Variants in CSMD1 observed in about 807,000 individuals in gnomAD.
The protein encoded by CSMD1 is CUB and Sushi multiple domains 1, also known as CUB and sushi domain-containing protein 1.
A neutral mutation model predicts 417.5 loss-of-function variants in CSMD1; 213 were observed. The ratio of observed to expected loss-of-function variants is 0.51; its 90% CI spans 0.46 to 0.57. CSMD1 has a LOEUF of 0.57. CSMD1 is among the 20% of genes least tolerant of loss of function. The pLI is 0.00. For synonymous variants in CSMD1, 2,862 were observed against 1,736.8 expected (o/e 1.65, Z -16.11); for missense variants, 6,923 against 4,529.7 (o/e 1.53, Z -15.17).
intron 3 of CSMD1, among the ~76,000 whole-genome samples, chr8:4,243,285 C>A (rs1176310244): frequency 6.6e-6 from 1 of 152,118 alleles, no homozygotes; most frequent in Non-Finnish European, 1.5e-5. Flanking sequence ...TGAACTAGGT[C>A]TGAATTTCAT....
intron 5 of CSMD1, among the ~76,000 whole-genome samples, chr8:3,883,784 T>A (rs917454711): frequency 6.6e-6 from 1 of 152,114 alleles, no homozygotes; most frequent in African/African-American, 2.4e-5. Context: ...AAAGCAGCTT[T>A]TAAATCTACT....
chr8:3,284,639 G>A (rs960655503), intron 25 of CSMD1: 2 of 364,212 alleles, frequency 5.5e-6, no homozygotes, highest in Non-Finnish European at 1.0e-5. Context: ...GAGACTTCCA[G>A]ATCTCTGTAT....
chr8:4,981,520 C>A (rs551857329), intron 1 of CSMD1, among the ~76,000 whole-genome samples: 14 of 152,192 alleles, frequency 9.2e-5, no homozygotes, highest in Admixed American at 2.0e-4. Context: ...ATGTTTAATG[C>A]ACTGCTTTCA....
At chr8:3,356,346 A>G (rs1004033185) in intron 21 of CSMD1, among the ~76,000 whole-genome samples, 1 of 152,190 alleles carries the variant, frequency 6.6e-6, no homozygotes, top group African/African-American at 2.4e-5. Flanking sequence ...GACCACTGTA[A>G]AGGAGCCAGC....
intron 10 of CSMD1, among the ~76,000 whole-genome samples, chr8:3,502,396 C>G (rs1468605269): frequency 6.8e-6 from 1 of 147,186 alleles, no homozygotes; most frequent in East Asian, 2.0e-4. Flanking sequence ...TATTTCCACA[C>G]AACAAACAAC....
intron 7 of CSMD1, among the ~76,000 whole-genome samples, chr8:3,633,310 G>A (rs539356408): frequency 2.6e-5 from 4 of 152,140 alleles, no homozygotes; most frequent in East Asian, 1.9e-4. Context: ...GAAGTGCATC[G>A]TGTCATACAT....
At chr8:3,535,749 G>A (rs59117944) in intron 10 of CSMD1, among the ~76,000 whole-genome samples, 2,344 of 152,200 alleles carry the variant, frequency 0.015, 58 homozygotes, top group African/African-American at 0.054. Context: ...CTTCAATTAT[G>A]TAGTGCTTGG....
At chr8:3,596,333 G>C (rs1801093573) in intron 8 of CSMD1, among the ~76,000 whole-genome samples, 2 of 152,136 alleles carry the variant, frequency 1.3e-5, no homozygotes, top group African/African-American at 4.8e-5. Flanking sequence ...AGCTAACCAG[G>C]TACAGCATGC....
intron 3 of CSMD1, among the ~76,000 whole-genome samples, chr8:4,039,304 A>C (rs779734706): frequency 2.0e-5 from 3 of 152,188 alleles, no homozygotes; most frequent in Non-Finnish European, 4.4e-5. Context: ...CTTTCTATGT[A>C]AACCAACGAT....
At chr8:4,740,745 C>G (rs956785082) in intron 1 of CSMD1, among the ~76,000 whole-genome samples, 5 of 152,008 alleles carry the variant, frequency 3.3e-5, no homozygotes, top group African/African-American at 1.2e-4. Flanking sequence ...AGAGCAAGAT[C>G]CTGTCTCAAA....
At chr8:3,251,204 A>G (rs188066891) in intron 26 of CSMD1, among the ~76,000 whole-genome samples, 14,012 of 152,008 alleles carry the variant, frequency 0.092, 846 homozygotes, top group African/African-American at 0.17. Flanking sequence ...TAGGTCTAAC[A>G]TTTAAGTCTT....
At chr8:4,707,653 G>A (rs1229057904) in intron 1 of CSMD1, among the ~76,000 whole-genome samples, 3 of 151,942 alleles carry the variant, frequency 2.0e-5, no homozygotes, top group Non-Finnish European at 2.9e-5. Flanking sequence ...TTGGGAGGCC[G>A]AGGCGGGCGG....
chr8:3,726,634 C>G (rs940150469), intron 6 of CSMD1, among the ~76,000 whole-genome samples: 3 of 152,200 alleles, frequency 2.0e-5, no homozygotes, highest in East Asian at 1.9e-4. Flanking sequence ...TACATCAATC[C>G]TTTTTTATGT....
intron 3 of CSMD1, among the ~76,000 whole-genome samples, chr8:4,194,029 T>G (rs1304599440): frequency 6.6e-6 from 1 of 152,168 alleles, no homozygotes; most frequent in East Asian, 1.9e-4. Context: ...ATTTAAGGCA[T>G]GATATTAAAA....
chr8:3,826,631 T>A (rs1802070384), intron 5 of CSMD1, among the ~76,000 whole-genome samples: 1 of 152,136 alleles, frequency 6.6e-6, no homozygotes, highest in South Asian at 2.1e-4. Flanking sequence ...GAGTATTACA[T>A]CTGGATTCTC....
In CSMD1 at chr8:4,069,020, C is replaced by G. The variant is rs538948959; in HGVS notation, c.416-36921G>C. Among the ~76,000 whole-genome samples the G allele has an allele frequency of 9.9e-5, 15 of 152,246 alleles. No homozygotes were observed. The South Asian group carries it at 2.9e-3, about 29-fold the overall frequency. On this transcript the variant is annotated intron_variant, in intron 3 of 69. Coordinates refer to ENST00000635120, the MANE Select transcript of CSMD1 (RefSeq NM_033225.6). ...AAGATAACCCAGTAGTTGATTTTTACTTTGCTTATGTTTTATTCTTTCCTT... is the reference window on the plus strand; with the variant it reads ...AAGATAACCCAGTAGTTGATTTTTAGTTTGCTTATGTTTTATTCTTTCCTT...
At position 4,314,015 on chromosome 8, in the gene CSMD1, A is replaced by T. The variant is rs575986870; in HGVS notation, c.415+105938T>A. On this transcript the variant is annotated intron_variant, in intron 3 of 69. Transcript: ENST00000635120. ...GGCAACAAAGTGAGAATCCGTCTCA[A>T]AATAATAATAATAATAATAATGATA... 2.0e-5 allele frequency among the ~76,000 whole-genome samples: 3 copies of T among 150,228 alleles called. No homozygotes were observed. In the East Asian group the frequency reaches 5.9e-4, roughly 29 times the overall value.
rs887414978 is a variant in CSMD1, at chr8:4,711,673, A to T, written c.86-74115T>A. Among the ~76,000 whole-genome samples the T allele has an allele frequency of 0.018, 33 of 1,798 alleles. No individual in the cohort carries two copies. In the East Asian group the frequency reaches 0.35, roughly 19 times the overall value. The allele number at this position is 1,798 out of a possible 152,430, so 1.2% of individuals were successfully genotyped here. A position where few individuals can be genotyped will look rare whatever the true frequency, so the allele number is the denominator to read the frequency against. Reference sequence around the variant, plus strand: ...TACTTCTTTACTGTAGGTAAATTTAAAAAAAAAATCCATTAAAGTCTTTGA... The same window carrying T: ...TACTTCTTTACTGTAGGTAAATTTATAAAAAAAATCCATTAAAGTCTTTGA... On this transcript the variant is annotated intron_variant, in intron 1 of 69. Transcript: ENST00000635120.
chr8:3,934,125 C>A (rs536003017), intron 5 of CSMD1, among the ~76,000 whole-genome samples: 1 of 152,102 alleles, frequency 6.6e-6, no homozygotes, highest in Non-Finnish European at 1.5e-5. Flanking sequence ...AAATGATTAC[C>A]CACTTCACAA....
Sources: gnomAD v4.1 joint callset for allele counts (sites outside exome capture counted in the v4.1 genomes callset) on GRCh38, gnomAD v4.1.1 for gene constraint, MANE v1.5 for transcripts, NCBI Gene and HGNC (gene_info 2026-07-23, HGNC 2026-07-21) for gene names.